NHS: variants seen among roughly 807,000 people sequenced by gnomAD.
NHS encodes NHS actin remodeling regulator, also known as actin remodeling regulator NHS.
Under a neutral mutation model 72.5 loss-of-function variants are expected in NHS, and 5 were observed. That is an observed-to-expected ratio of 0.07 (90% confidence interval 0.04 to 0.14). The LOEUF is 0.14. Ranked by LOEUF, NHS falls within the 10% of genes least tolerant of loss-of-function variation. NHS has a pLI of 1.00. For missense variants in NHS, 1,072 were observed against 1,355.7 expected, an observed-to-expected ratio of 0.79 and a Z score of 3.29; for synonymous variants, 464 against 547.7, an observed-to-expected ratio of 0.85 and a Z score of 2.13.
chrX:17,551,205 G>T lies in NHS; in HGVS notation c.566-136537G>T, dbSNP rs148532907. The stretch of plus-strand genomic sequence containing the variant: ...TTTAGTATCCACCTCCCCCACTAGA[G>T]TGTAGGTTCCATGGGGGCAAAGGTT... On this transcript the variant is annotated intron_variant, in intron 1 of 8. Transcript: ENST00000676302. Among the ~76,000 whole-genome samples the T allele has an allele frequency of 2.7e-3, 300 of 111,632 alleles. 2 individuals carry two copies. Among genetic ancestry groups the T allele is most frequent in the African/African-American group, 9.6e-3 (296 of 30,687 alleles).
At chrX:17,545,390 C>T (rs1227140110) in intron 1 of NHS, among the ~76,000 whole-genome samples, 1 of 112,316 alleles carries the variant, frequency 8.9e-6, no homozygotes, top group Non-Finnish European at 1.9e-5. Flanking sequence ...AAACCAGGCT[C>T]TTCCACTCTA....
chrX:17,489,197 G>A (rs1401992050), intron 1 of NHS, among the ~76,000 whole-genome samples: 5 of 112,087 alleles, frequency 4.5e-5, no homozygotes. Context: ...ATCACTGATG[G>A]GCATTTGGGT....
intron 1 of NHS, among the ~76,000 whole-genome samples, chrX:17,498,356 C>T (rs2065022459): frequency 9.0e-6 from 1 of 111,097 alleles, no homozygotes; most frequent in Non-Finnish European, 1.9e-5. Context: ...ATGGCCTTCC[C>T]ACACCTGCCT....
intron 1 of NHS, among the ~76,000 whole-genome samples, chrX:17,419,087 C>T (rs2064610528): frequency 8.9e-6 from 1 of 112,473 alleles, no homozygotes; most frequent in South Asian, 3.7e-4. Flanking sequence ...TAACATATAT[C>T]CTTTCCTTTT....
At chrX:17,538,504 G>A (rs373351229) in intron 1 of NHS, among the ~76,000 whole-genome samples, 4 of 111,701 alleles carry the variant, frequency 3.6e-5, no homozygotes, top group East Asian at 5.7e-4. Flanking sequence ...AGAGTTTCCT[G>A]CCTAGGAGGT....
At chrX:17,388,454 G>A (rs1368684010) in intron 1 of NHS, among the ~76,000 whole-genome samples, 1 of 110,696 alleles carries the variant, frequency 9.0e-6, no homozygotes. Flanking sequence ...ATTGGAAAGA[G>A]GTAAGGGTAA....
At chrX:17,392,111 G>GTAGGAAGGCCATATAA (rs1183964979) in intron 1 of NHS, among the ~76,000 whole-genome samples, 1 of 111,761 alleles carries the variant, frequency 8.9e-6, no homozygotes, top group Non-Finnish European at 1.9e-5. Context: ...TGCTCCAATT[G>GTAGGAAGGCCATATAA]TAGGAAGGCC....
intron 2 of NHS, among the ~76,000 whole-genome samples, chrX:17,688,569 T>C (rs1456246632): frequency 1.8e-5 from 2 of 111,583 alleles, no homozygotes; most frequent in Non-Finnish European, 3.8e-5. Context: ...ATCGGTCTAA[T>C]GCCCCCATTC....
At chrX:17,478,959 G>T (rs1240419622) in intron 1 of NHS, among the ~76,000 whole-genome samples, 1 of 111,187 alleles carries the variant, frequency 9.0e-6, no homozygotes, top group Admixed American at 9.6e-5. Context: ...GAAGGTGCGG[G>T]TTTGTTACAT....
intron 1 of NHS, among the ~76,000 whole-genome samples, chrX:17,450,521 A>G (rs1450150948): frequency 8.9e-6 from 1 of 112,119 alleles, no homozygotes; most frequent in Non-Finnish European, 1.9e-5. Flanking sequence ...TAAGTGACAG[A>G]GCCAGCATTT....
intron 5 of NHS, 62 bp downstream of exon 5, chrX:17,721,695 T>G (rs1342704368): frequency 3.0e-6 from 3 of 1,000,103 alleles, no homozygotes; most frequent in Non-Finnish European, 4.1e-6. Context: ...TTAAATATGT[T>G]CAAAATCTGT....
chrX:17,710,980 C>A (rs768319408), intron 3 of NHS, among the ~76,000 whole-genome samples: 3 of 112,185 alleles, frequency 2.7e-5, no homozygotes, highest in African/African-American at 9.7e-5. Flanking sequence ...ACTTCCCCAG[C>A]TGAGGGCCAT....
At chrX:17,483,266 T>C (rs933972108) in intron 1 of NHS, among the ~76,000 whole-genome samples, 1 of 112,162 alleles carries the variant, frequency 8.9e-6, no homozygotes, top group Non-Finnish European at 1.9e-5. Flanking sequence ...AAAATTCCAA[T>C]ATTATAATAG....
At chrX:17,394,833 G>A (rs545925199) in intron 1 of NHS, among the ~76,000 whole-genome samples, 2 of 111,256 alleles carry the variant, frequency 1.8e-5, no homozygotes, top group African/African-American at 3.3e-5. Context: ...AGGCAGATAC[G>A]AAACAAATTC....
Position 17,732,523 on chromosome X carries a change from G to A in NHS, c.*59G>A, listed in dbSNP as rs1400574807. ...AACCCTTACTCACATGAGGATGGAGGAACAGAACAGAGGACTTGGGAAAAG... is the reference window on the plus strand; with the variant it reads ...AACCCTTACTCACATGAGGATGGAGAAACAGAACAGAGGACTTGGGAAAAG... On this transcript the variant is annotated 3_prime_UTR_variant, in exon 9 of 9. Transcript: ENST00000676302. 3.3e-6 allele frequency: 4 copies of A among 1,205,030 alleles called. No homozygotes were observed. The African/African-American group carries it at 5.2e-5, about 16-fold the overall frequency.
At chrX:17,421,832 T>C (rs778084425) in intron 1 of NHS, among the ~76,000 whole-genome samples, 53 of 111,974 alleles carry the variant, frequency 4.7e-4, no homozygotes, top group African/African-American at 1.6e-3. Context: ...CCACCTCAGC[T>C]TCCCAAAGTG....
chrX:17,539,719 C>T (rs2065253346), intron 1 of NHS, among the ~76,000 whole-genome samples: 1 of 111,393 alleles, frequency 9.0e-6, no homozygotes. Flanking sequence ...TCCAGCTCCT[C>T]CAAAATTCTA....
At chrX:17,578,170 T>C (rs1000956914) in intron 1 of NHS, among the ~76,000 whole-genome samples, 10 of 112,633 alleles carry the variant, frequency 8.9e-5, no homozygotes, top group African/African-American at 3.2e-4. Flanking sequence ...CTCTGAACAA[T>C]CCTGTGGTTA....
At chrX:17,557,123 G>T (rs1455423363) in intron 1 of NHS, 2 of 102,728 alleles carry the variant, frequency 1.9e-5, no homozygotes, top group South Asian at 4.5e-4. Flanking sequence ...GTGTGTGTGT[G>T]TGTGTGTGTG....
Sources: allele counts gnomAD v4.1 joint callset (sites outside exome capture counted in the v4.1 genomes callset), GRCh38; gene constraint gnomAD v4.1.1; transcripts MANE v1.5; gene names NCBI Gene and HGNC (gene_info 2026-07-23, HGNC 2026-07-21).